Variants in GIGYF2 observed in about 807,000 individuals in gnomAD.
GIGYF2 encodes the protein GRB10-interacting GYF protein 2.
A neutral mutation model predicts 208.1 loss-of-function variants in GIGYF2; 25 were observed. That is an observed-to-expected ratio of 0.12 (90% CI 0.09 to 0.17). The LOEUF (loss-of-function observed/expected upper bound fraction) is 0.17, where lower values mean the gene tolerates loss of function less well. Ranked by LOEUF, GIGYF2 falls within the 10% of genes least tolerant of loss-of-function variation. GIGYF2 has a pLI of 1.00. For synonymous variants in GIGYF2, 534 were observed against 543.8 expected (o/e 0.98, Z 0.25); for missense variants, 1,302 against 1,579.4 (o/e 0.82, Z 2.98).
intron 6 of GIGYF2, among the ~76,000 whole-genome samples, chr2:232,757,515 C>T (rs1210256219): frequency 6.6e-6 from 1 of 152,024 alleles, no homozygotes; most frequent in Admixed American, 6.5e-5. Context: ...TTCCATTGGT[C>T]CAGAATTTGA....
intron 8 of GIGYF2, among the ~76,000 whole-genome samples, chr2:232,785,935 G>A (rs1406244015): frequency 6.6e-6 from 1 of 152,206 alleles, no homozygotes; most frequent in Non-Finnish European, 1.5e-5. Context: ...GTTATAAACT[G>A]AGGACATCAA....
chr2:232,790,686 T>A lies in GIGYF2; in HGVS notation c.713-12T>A. ...AACTTTTCTAAGGTTTGTGTCCTCC[T>A]TCTCATCTCAGATGGCCCTCGTTCT... On this transcript the variant is annotated splice_polypyrimidine_tract_variant and intron_variant, in intron 9 of 28. Transcript: ENST00000373563. 1 of 1,605,024 alleles carries A rather than the reference T, an allele frequency of 6.2e-7. No individual in the cohort carries two copies. Among genetic ancestry groups the A allele is most frequent in the Non-Finnish European group, 8.5e-7 (1 of 1,171,668 alleles).
At chr2:232,723,822 T>C (rs908731522) in intron 2 of GIGYF2, among the ~76,000 whole-genome samples, 1 of 133,738 alleles carries the variant, frequency 7.5e-6, no homozygotes, top group Non-Finnish European at 1.5e-5. Context: ...AACCTCCGCC[T>C]CCCGGGTTCA....
chr2:232,726,813 T>A (rs911257929), intron 2 of GIGYF2, among the ~76,000 whole-genome samples: 1 of 152,170 alleles, frequency 6.6e-6, no homozygotes, highest in Admixed American at 6.5e-5. Flanking sequence ...CAATTTTCTA[T>A]AAAGAAATCA....
intron 2 of GIGYF2, chr2:232,730,026 T>A (rs946552788): frequency 4.9e-6 from 4 of 813,892 alleles, no homozygotes; most frequent in Non-Finnish European, 8.6e-6. Flanking sequence ...AGACTTGATG[T>A]GATTATACCA....
chr2:232,797,980 C>G (rs1478374955), intron 14 of GIGYF2, among the ~76,000 whole-genome samples: 1 of 77,464 alleles, frequency 1.3e-5, no homozygotes, highest in African/African-American at 7.2e-5. Flanking sequence ...GACTGTGCCT[C>G]CAAAAAAAAA....
rs1690620976 is a variant in GIGYF2 at position 232,857,481 on chromosome 2, T to A, written c.*621T>A. 6.3e-6 allele frequency: 1 copy of A among 157,490 alleles called. No homozygotes were observed. Among genetic ancestry groups the A allele is most frequent in the Non-Finnish European group, 1.4e-5 (1 of 71,216 alleles). The allele number at this position is 157,490 out of a possible 1,614,324, so 9.8% of individuals were successfully genotyped here. On this transcript the variant is annotated 3_prime_UTR_variant, in exon 29 of 29. Transcript: ENST00000373563. ...GTTGGTTTGGTTTGATGTTACACAC[T>A]CCTCACCTGTTCTTTCTGAGTGTCC...
intron 2 of GIGYF2, among the ~76,000 whole-genome samples, chr2:232,713,834 G>A (rs1696541498): frequency 6.6e-6 from 1 of 152,120 alleles, no homozygotes; most frequent in African/African-American, 2.4e-5. Context: ...CATATTAAGA[G>A]TATATATGTC....
At chr2:232,721,535 CA>C (rs1696942820) in intron 2 of GIGYF2, among the ~76,000 whole-genome samples, 1 of 152,228 alleles carries the variant, frequency 6.6e-6, no homozygotes, top group South Asian at 2.1e-4. Context: ...TCTCCATTCA[CA>C]GGCTCATTCT....
rs1491494438 is a variant in GIGYF2, at chr2:232,836,382, A to AT, written c.2766+3289_2766+3290insT. Among the ~76,000 whole-genome samples, 44 of 51,468 alleles carry AT rather than the reference A, an allele frequency of 8.5e-4. 5 individuals are homozygous for AT. Among genetic ancestry groups the AT allele is most frequent in the Middle Eastern group, 0.014 (2 of 148 alleles). The allele number at this position is 51,468 out of a possible 152,430, so 33.8% of individuals were successfully genotyped here. On this transcript the variant is annotated intron_variant, in intron 22 of 28. Coordinates refer to ENST00000373563, the MANE Select transcript of GIGYF2 (RefSeq NM_001103146.3). ...TATAAATATAAATATATATAAATAT[A>AT]AATATATATAAATATAAATATATAT...
At chr2:232,763,045 G>A (rs1269578759) in intron 8 of GIGYF2, among the ~76,000 whole-genome samples, 2 of 152,084 alleles carry the variant, frequency 1.3e-5, no homozygotes. Context: ...AAGGTGTGTA[G>A]CATGAGGAAA....
chr2:232,756,145 A>G (rs2106321272), intron 5 of GIGYF2, 78 bp from the exon 6 acceptor site: 2 of 797,486 alleles, frequency 2.5e-6, no homozygotes, highest in South Asian at 1.6e-5. Context: ...GAGAAGCAAC[A>G]TGTAGTTTTA....
rs150029813 is a variant in GIGYF2, at chr2:232,804,537, G to T, written c.1640-1954G>T. Among the ~76,000 whole-genome samples, 719 of 152,116 alleles carry T rather than the reference G, an allele frequency of 4.7e-3. 2 individuals carry two copies. Among genetic ancestry groups the T allele is most frequent in the Middle Eastern group, 0.01 (3 of 294 alleles). On this transcript the variant is annotated intron_variant, in intron 14 of 28. Transcript: ENST00000373563. The stretch of plus-strand genomic sequence containing the variant: ...GATGGAGTCTCACTCTGTCACCCAG[G>T]CTGGAGTGCAGTGGCGCGATCTCGG...
chr2:232,790,598 G>A (rs764757011), intron 9 of GIGYF2, 100 bp from the exon 10 acceptor site: 8 of 982,268 alleles, frequency 8.1e-6, no homozygotes, highest in Admixed American at 5.1e-5. Context: ...TTGAGTTTGC[G>A]GTCACTTGTA....
At chr2:232,751,925 A>T (rs560235674) in intron 5 of GIGYF2, among the ~76,000 whole-genome samples, 1 of 152,342 alleles carries the variant, frequency 6.6e-6, no homozygotes, top group African/African-American at 2.4e-5. Flanking sequence ...TTAGGTATGC[A>T]CTACACCTAT....
At chr2:232,846,002 T>C in intron 26 of GIGYF2, 116 bp downstream of exon 26, 1 of 737,208 alleles carries the variant, frequency 1.4e-6, no homozygotes, top group East Asian at 2.7e-5. Context: ...GGAGGTCAAC[T>C]GCTGCACCTG....
chr2:232,851,453 A>T (rs1479873306), intron 28 of GIGYF2, among the ~76,000 whole-genome samples: 4 of 150,900 alleles, frequency 2.7e-5, no homozygotes, highest in Non-Finnish European at 5.9e-5. Flanking sequence ...ATGGAGTCTC[A>T]CTCTTGCTCA....
chr2:232,762,188 C>T (rs754146227), intron 8 of GIGYF2, among the ~76,000 whole-genome samples: 1 of 149,616 alleles, frequency 6.7e-6, no homozygotes, highest in Admixed American at 6.6e-5. Context: ...TAAAAAAGTT[C>T]TCCAGAGCAT....
intron 25 of GIGYF2, among the ~76,000 whole-genome samples, chr2:232,845,085 C>G (rs1037582072): frequency 1.3e-5 from 2 of 152,094 alleles, no homozygotes; most frequent in Non-Finnish European, 2.9e-5. Context: ...AACTCAAATC[C>G]CAGCACTACC....
Sources: gnomAD v4.1 joint callset for allele counts (sites outside exome capture counted in the v4.1 genomes callset) on GRCh38, gnomAD v4.1.1 for gene constraint, MANE v1.5 for transcripts, NCBI Gene and HGNC (gene_info 2026-07-23, HGNC 2026-07-21) for gene names.